AGL: variants seen among roughly 807,000 people sequenced by gnomAD.
The protein encoded by AGL is amylo-alpha-1,6-glucosidase and 4-alpha-glucanotransferase, also known as glycogen debranching enzyme.
In AGL, 128 loss-of-function variants were observed where a neutral mutation model predicts 199.3. The observed-to-expected ratio is 0.64, with a 90% CI of 0.56 to 0.74. The LOEUF (loss-of-function observed/expected upper bound fraction) is 0.74, where lower values mean the gene tolerates loss of function less well. AGL is among the 30% of genes least tolerant of loss of function. The pLI is 0.00. For synonymous variants in AGL, 584 were observed against 594.7 expected (o/e 0.98, Z 0.26); for missense variants, 1,809 against 1,820.8 (o/e 0.99, Z 0.12).
At chr1:99,876,694 A>G (rs1651566930) in intron 11 of AGL, 97 bp downstream of exon 11, 1 of 1,403,104 alleles carries the variant, frequency 7.1e-7, no homozygotes, top group Non-Finnish European at 1.0e-6. Context: ...CCATTAGTCT[A>G]TTGGTTTTTA....
At position 99,881,139 on chromosome 1, in the gene AGL, G is replaced by T; in HGVS notation, c.1963G>T (p.Gly655Ter). Residue 655 changes from glycine to a stop codon, truncating the protein, a stop_gained, in exon 15 of 34, where the codon GGA (glycine) becomes TGA (stop). Coordinates refer to ENST00000361915, the MANE Select transcript of AGL (RefSeq NM_000642.3). LOFTEE classifies it high-confidence loss of function. ...TGTTTCTATGGCATGTTGTGCTAGT[G>T]GAAGTACAAGAGGCTATGATGAATT... is the stretch of plus-strand genomic sequence containing the variant. ...TIVSMACCAS[G>*]STRGYDELVP... 1 of 1,613,908 alleles carries T rather than the reference G, an allele frequency of 6.2e-7. No individual in the cohort carries two copies. The highest frequency in any genetic ancestry group is 8.5e-7 in the Non-Finnish European group (1 of 1,179,924).
rs142368729 is a variant in AGL at position 99,861,644 on chromosome 1, A to G, written c.224A>G (p.Asp75Gly). Reference sequence around the variant, plus strand: ...TGGGAAAATCCAACAGAAAGAGAAGATGATTCTGATAAATACTGTAAACTT... The same window carrying G: ...TGGGAAAATCCAACAGAAAGAGAAGGTGATTCTGATAAATACTGTAAACTT... ...LDWENPTERE[D>G]DSDKYCKLNL... Residue 75 changes from aspartate to glycine, a missense_variant, in exon 3 of 34, where the codon GAT becomes GGT. Asp to Gly is a moderately conservative substitution (Grantham distance 94). Transcript: ENST00000361915. 5.3e-5 allele frequency: 86 copies of G among 1,613,362 alleles called. No homozygotes were observed. Among genetic ancestry groups the G allele is most frequent in the Non-Finnish European group, 6.6e-5 (78 of 1,179,464 alleles).
intron 27 of AGL, among the ~76,000 whole-genome samples, chr1:99,904,018 A>G (rs1654059273): frequency 6.6e-6 from 1 of 152,206 alleles, no homozygotes; most frequent in Non-Finnish European, 1.5e-5. Flanking sequence ...GAAGCAGAGT[A>G]GCTTGCCCAG....
At chr1:99,866,800 T>TTTTCTATATTTA (rs58319897) in intron 5 of AGL, among the ~76,000 whole-genome samples, 5 of 151,018 alleles carry the variant, frequency 3.3e-5, no homozygotes, top group Non-Finnish European at 4.4e-5. Flanking sequence ...ACAAGTTTTC[T>TTTTCTATATTTA]TTTATTTATT....
intron 4 of AGL, 97 bp downstream of exon 4, chr1:99,862,520 C>T (rs901842419): frequency 1.1e-5 from 15 of 1,324,528 alleles, no homozygotes; most frequent in Non-Finnish European, 1.6e-5. Context: ...AGTCCATTCT[C>T]TCATTGCAGT....
intron 13 of AGL, 60 bp from the exon 14 acceptor site, chr1:99,880,572 C>T (rs1651928544): frequency 5.8e-6 from 9 of 1,554,436 alleles, no homozygotes; most frequent in Non-Finnish European, 8.0e-6. Context: ...GAGAAGAAAT[C>T]TAACCTCTTC....
At chr1:99,870,176 A>G (rs963084761) in intron 5 of AGL, among the ~76,000 whole-genome samples, 6 of 151,980 alleles carry the variant, frequency 3.9e-5, no homozygotes, top group African/African-American at 7.3e-5. Flanking sequence ...CGGATTTTCT[A>G]AGCAGAATTA....
intron 2 of AGL, among the ~76,000 whole-genome samples, chr1:99,852,141 T>A (rs1054621174): frequency 1.3e-5 from 2 of 152,184 alleles, no homozygotes; most frequent in African/African-American, 4.8e-5. Flanking sequence ...ATTCTTTTTC[T>A]GTTCTCCTTC....
chr1:99,902,101 C>T (rs777060623), intron 26 of AGL, among the ~76,000 whole-genome samples: 54 of 152,042 alleles, frequency 3.6e-4, no homozygotes, highest in African/African-American at 1.3e-3. Flanking sequence ...GGACTCTAAA[C>T]ATTTTGCTTC....
At chr1:99,887,835 G>A (rs1323059999) in intron 20 of AGL, 143 bp from the exon 21 acceptor site, 7 of 864,766 alleles carry the variant, frequency 8.1e-6, no homozygotes, top group Middle Eastern at 3.5e-4. Flanking sequence ...AAATGTATGA[G>A]TATAATGTTT....
intron 25 of AGL, among the ~76,000 whole-genome samples, chr1:99,899,679 G>C (rs1334522281): frequency 6.6e-6 from 1 of 150,952 alleles, no homozygotes; most frequent in Non-Finnish European, 1.5e-5. Context: ...GGAGTGCCGT[G>C]GCGCAATCTC....
chr1:99,886,531 A>G (rs982890592), intron 20 of AGL, among the ~76,000 whole-genome samples: 1 of 152,208 alleles, frequency 6.6e-6, no homozygotes, highest in Non-Finnish European at 1.5e-5. Flanking sequence ...AGACATAATT[A>G]TAGCACCTTT....
At chr1:99,864,120 G>A (rs1011751070) in intron 4 of AGL, among the ~76,000 whole-genome samples, 2 of 152,088 alleles carry the variant, frequency 1.3e-5, no homozygotes, top group Admixed American at 1.3e-4. Context: ...TTTCTAATAG[G>A]CAGTGTGTGT....
At chr1:99,887,126 G>T (rs749753113) in intron 20 of AGL, among the ~76,000 whole-genome samples, 1 of 152,134 alleles carries the variant, frequency 6.6e-6, no homozygotes, top group African/African-American at 2.4e-5. Flanking sequence ...AGATGACAAT[G>T]ATTTTCTAAA....
Position 99,896,368 on chromosome 1 carries a change from T to C in AGL, c.3342T>C (p.Thr1114=), listed in dbSNP as rs369509822. The C allele has an allele frequency of 1.6e-5, 26 of 1,613,880 alleles. No individual in the cohort carries two copies. Among genetic ancestry groups the C allele is most frequent in the Non-Finnish European group, 1.7e-5 (20 of 1,179,878 alleles). Residue 1114 remains threonine, a synonymous_variant, in exon 25 of 34, where the codon ACT becomes ACC. Coordinates refer to ENST00000361915, the MANE Select transcript of AGL (RefSeq NM_000642.3). ...CACTTAGAGGTATACTGCTGATTAC[T>C]GGACGCTATGTAGAAGCCAGGTAGG... ...FIALRGILLI[T]GRYVEARNII... is the part of the protein sequence containing the mutation.
chr1:99,849,996 C>A (rs1026914655), upstream of AGL: 2 of 152,360 alleles, frequency 1.3e-5, no homozygotes, highest in South Asian at 2.1e-4. Context: ...CCGCAGCAGG[C>A]TCCAGGTCCC....
chr1:99,910,678 T>C (rs199931850), intron 27 of AGL, 34 bp from the exon 28 acceptor site: 14 of 1,325,688 alleles, frequency 1.1e-5, no homozygotes, highest in South Asian at 4.0e-5. Context: ...ATAATACTTA[T>C]AAAATTTTAT....
chr1:99,857,575 C>G (rs1224678168), intron 2 of AGL, among the ~76,000 whole-genome samples: 1 of 151,744 alleles, frequency 6.6e-6, no homozygotes, highest in Non-Finnish European at 1.5e-5. Flanking sequence ...CTCAGGAGGC[C>G]GAGGCTGGTG....
chr1:99,860,400 T>G (rs1238287101), intron 2 of AGL, among the ~76,000 whole-genome samples: 1 of 152,130 alleles, frequency 6.6e-6, no homozygotes, highest in Non-Finnish European at 1.5e-5. Flanking sequence ...TAATTGAAAG[T>G]TATATTCGTG....
Sources: gnomAD v4.1 joint callset for allele counts (sites outside exome capture counted in the v4.1 genomes callset) on GRCh38, gnomAD v4.1.1 for gene constraint, MANE v1.5 for transcripts, NCBI Gene and HGNC (gene_info 2026-07-23, HGNC 2026-07-21) for gene names.